The following GRM7 variants were observed in gnomAD, a reference collection of about 807,000 sequenced individuals.
The protein encoded by GRM7 is metabotropic glutamate receptor 7.
GRM7 carries 35 observed loss-of-function variants against 84.5 expected under a neutral mutation model. The ratio of observed to expected loss-of-function variants is 0.41; its 90% CI spans 0.32 to 0.55. The LOEUF (loss-of-function observed/expected upper bound fraction) is 0.55, where lower values mean the gene tolerates loss of function less well. Among genes scored for constraint, GRM7 ranks in the 20% least tolerant of loss-of-function variants. GRM7 has a pLI of 0.19. For missense variants in GRM7, 1,003 were observed against 1,194.6 expected, an observed-to-expected ratio of 0.84 and a Z score of 2.36; for synonymous variants, 487 against 455.1, an observed-to-expected ratio of 1.07 and a Z score of -0.89.
chr3:7,487,577 C>A (rs916692961), intron 7 of GRM7, among the ~76,000 whole-genome samples: 4 of 152,172 alleles, frequency 2.6e-5, no homozygotes, highest in Admixed American at 2.0e-4. Context: ...CTCAAGTGGT[C>A]CCAGGTGTGA....
At chr3:7,606,731 G>C (rs1172914499) in intron 8 of GRM7, among the ~76,000 whole-genome samples, 1 of 151,916 alleles carries the variant, frequency 6.6e-6, no homozygotes, top group Non-Finnish European at 1.5e-5. Context: ...ACAGGGTTTT[G>C]CCATGTTGGT....
chr3:7,397,477 C>A (rs752461405), intron 4 of GRM7, among the ~76,000 whole-genome samples: 16 of 151,994 alleles, frequency 1.1e-4, no homozygotes, highest in Non-Finnish European at 4.4e-5. Context: ...TGAATAAGAC[C>A]TAATATTCAG....
In GRM7 at chr3:7,579,375, T is replaced by C; in HGVS notation, c.2451+18T>C. 1 of 1,385,548 alleles carries C rather than the reference T, an allele frequency of 7.2e-7. No homozygotes were observed. Among genetic ancestry groups the C allele is most frequent in the Non-Finnish European group, 9.9e-7 (1 of 1,014,854 alleles). The allele number at this position is 1,385,548 out of a possible 1,614,324, so 85.8% of individuals were successfully genotyped here. ...CGGAAAAGGTAAGTGAAAATGCACA[T>C]CATAATATGTTTTTTAAAAATGTGT... On this transcript the variant is annotated intron_variant, in intron 8 of 9. Coordinates refer to ENST00000357716, the MANE Select transcript of GRM7 (RefSeq NM_000844.4).
At position 7,103,749 on chromosome 3, in the gene GRM7, CCTTTCTTTCTTTCTTTCTTTCTTTCTTT is replaced by C. The variant is rs55840104; in HGVS notation, c.520-42660_520-42633del. On this transcript the variant is annotated intron_variant, in intron 1 of 9. Transcript: ENST00000357716. The stretch of plus-strand genomic sequence containing the variant: ...CTCTCTTTTTCTCTTTCTCTCTCTC[CCTTTCTTTCTTTCTTTCTTTCTTTCTTT>C]CTTTCTTTCTTTCTTTCTTTCTTTC... Among the ~76,000 whole-genome samples the C allele has an allele frequency of 5.0e-4, 48 of 96,660 alleles. 2 individuals are homozygous for C. The highest frequency in any genetic ancestry group is 2.6e-3 in the East Asian group (9 of 3,404). 63.4% of individuals were successfully genotyped at this position (96,660 alleles called of 152,430 possible).
chr3:7,702,423 C>A (rs911544962), intron 9 of GRM7, among the ~76,000 whole-genome samples: 4 of 152,198 alleles, frequency 2.6e-5, no homozygotes, highest in African/African-American at 9.6e-5. Flanking sequence ...CTTTGCCATG[C>A]ATGCTGATTT....
chr3:7,607,263 AG>A (rs1696624607), intron 8 of GRM7: 1 of 144,258 alleles, frequency 6.9e-6, no homozygotes, highest in African/African-American at 2.9e-5. Context: ...TCATTAAATA[AG>A]CATTGTAGTG....
At chr3:6,972,563 G>A (rs141986813) in intron 1 of GRM7, among the ~76,000 whole-genome samples, 3 of 152,262 alleles carry the variant, frequency 2.0e-5, no homozygotes, top group East Asian at 3.9e-4. Context: ...GGTGAAAGCC[G>A]AGATTTAGAT....
intron 1 of GRM7, among the ~76,000 whole-genome samples, chr3:6,917,663 C>A (rs1292473750): frequency 1.3e-5 from 2 of 151,992 alleles, no homozygotes; most frequent in African/African-American, 4.8e-5. Flanking sequence ...CAAAGACAAT[C>A]TTTCCTCAGG....
chr3:7,117,029 A>G (rs948518473), intron 1 of GRM7, among the ~76,000 whole-genome samples: 2 of 152,152 alleles, frequency 1.3e-5, no homozygotes, highest in Non-Finnish European at 2.9e-5. Context: ...GTATGAAAGT[A>G]TTAGGAGTAG....
At chr3:7,463,274 C>T (rs941449308) in intron 7 of GRM7, among the ~76,000 whole-genome samples, 25 of 152,296 alleles carry the variant, frequency 1.6e-4, no homozygotes, top group Non-Finnish European at 3.4e-4. Flanking sequence ...CGTAAGAGTT[C>T]CCAAGTAGCA....
intron 1 of GRM7, among the ~76,000 whole-genome samples, chr3:6,956,217 T>A (rs564881307): frequency 7.7e-4 from 118 of 152,282 alleles, no homozygotes; most frequent in African/African-American, 2.6e-3. Flanking sequence ...ATGGGCCAAC[T>A]CTCATGCATT....
chr3:7,389,553 T>A (rs917496294), intron 4 of GRM7, among the ~76,000 whole-genome samples: 3 of 152,160 alleles, frequency 2.0e-5, no homozygotes, highest in Non-Finnish European at 4.4e-5. Flanking sequence ...CAATGTTGGA[T>A]GTGTGTACAT....
intron 9 of GRM7, among the ~76,000 whole-genome samples, chr3:7,714,823 C>T (rs554012081): frequency 4.6e-5 from 7 of 152,312 alleles, no homozygotes; most frequent in African/African-American, 1.2e-4. Flanking sequence ...AACCAGAGGT[C>T]TATTGGTGCA....
chr3:7,317,732 T>C (rs1485558660), intron 4 of GRM7, among the ~76,000 whole-genome samples: 1 of 151,896 alleles, frequency 6.6e-6, no homozygotes, highest in African/African-American at 2.4e-5. Context: ...TTATTGAGAA[T>C]GTTTTTTAGC....
At chr3:6,864,660 G>A (rs904466307) in intron 1 of GRM7, among the ~76,000 whole-genome samples, 6 of 152,144 alleles carry the variant, frequency 3.9e-5, no homozygotes, top group Non-Finnish European at 8.8e-5. Context: ...TAGGGACCAT[G>A]CCAAACCGAT....
chr3:7,118,520 C>G (rs897245882), intron 1 of GRM7, among the ~76,000 whole-genome samples: 1 of 149,798 alleles, frequency 6.7e-6, no homozygotes, highest in Non-Finnish European at 1.5e-5. Context: ...AAAAAAGTTA[C>G]AGAAAACAAT....
At chr3:7,353,297 A>G (rs1273854368) in intron 4 of GRM7, among the ~76,000 whole-genome samples, 1 of 152,144 alleles carries the variant, frequency 6.6e-6, no homozygotes. Context: ...TCCAGGAAAC[A>G]TGTAACCTGT....
intron 8 of GRM7, among the ~76,000 whole-genome samples, chr3:7,648,085 G>A (rs1463507508): frequency 1.3e-5 from 2 of 152,016 alleles, no homozygotes; most frequent in African/African-American, 4.8e-5. Flanking sequence ...TGTAAACCAG[G>A]ACACAACTTA....
chr3:6,917,879 G>GAAGTTTTGA (rs1696997397), intron 1 of GRM7, among the ~76,000 whole-genome samples: 1 of 152,016 alleles, frequency 6.6e-6, no homozygotes, highest in African/African-American at 2.4e-5. Context: ...AGTACAGAAA[G>GAAGTTTTGA]AAGTTTTGAC....
Sources: allele counts gnomAD v4.1 joint callset (sites outside exome capture counted in the v4.1 genomes callset), GRCh38; gene constraint gnomAD v4.1.1; transcripts MANE v1.5; gene names NCBI Gene and HGNC (gene_info 2026-07-23, HGNC 2026-07-21).